Variants in DNAJB6 observed in about 807,000 individuals in gnomAD.
DNAJB6 encodes the protein DnaJ heat shock protein family (Hsp40) member B6.
DNAJB6 carries 16 observed loss-of-function variants against 42.7 expected under a neutral mutation model. The ratio of observed to expected loss-of-function variants is 0.37; its 90% confidence interval spans 0.25 to 0.57. The LOEUF (loss-of-function observed/expected upper bound fraction) is 0.57. Among genes scored for constraint, DNAJB6 ranks in the 20% least tolerant of loss-of-function variants. DNAJB6 has a pLI of 0.74. For missense variants in DNAJB6, 347 were observed against 416.8 expected (o/e 0.83, Z 1.46); for synonymous variants, 170 against 163.5 (o/e 1.04, Z -0.30).
chr7:157,360,209 C>T (rs538896899), intron 2 of DNAJB6, among the ~76,000 whole-genome samples: 7 of 152,152 alleles, frequency 4.6e-5, no homozygotes, highest in South Asian at 4.2e-4. Context: ...TGGAGGAGGG[C>T]GAAAGACACT....
chr7:157,410,126 G>A (rs1795922648), intron 9 of DNAJB6, 125 bp downstream of exon 9: 3 of 1,415,284 alleles, frequency 2.1e-6, no homozygotes, highest in South Asian at 1.5e-5. Context: ...TGGGCGGTCG[G>A]GCGGGGCGGG....
intron 8 of DNAJB6, among the ~76,000 whole-genome samples, chr7:157,389,667 G>A (rs371524828): frequency 1.6e-4 from 24 of 152,184 alleles, no homozygotes; most frequent in East Asian, 1.2e-3. Flanking sequence ...GGGGTAGACC[G>A]AAGTCTGTCA....
At chr7:157,402,653 C>T (rs1054484952) in intron 8 of DNAJB6, among the ~76,000 whole-genome samples, 21 of 152,184 alleles carry the variant, frequency 1.4e-4, no homozygotes, top group African/African-American at 4.1e-4. Context: ...GGAGAAGTAG[C>T]GATGTGTCTT....
At chr7:157,394,915 C>T (rs1801510775) in intron 8 of DNAJB6, among the ~76,000 whole-genome samples, 1 of 152,290 alleles carries the variant, frequency 6.6e-6, no homozygotes, top group Non-Finnish European at 1.5e-5. Flanking sequence ...CGTGGTGAGA[C>T]TCTGTCTCCA....
intron 3 of DNAJB6, among the ~76,000 whole-genome samples, chr7:157,365,540 T>G (rs551829228): frequency 2.0e-5 from 3 of 152,306 alleles, no homozygotes; most frequent in African/African-American, 7.2e-5. Flanking sequence ...TCTAATTGGG[T>G]TTTTGTAGTA....
At chr7:157,375,954 C>T (rs1373312126) in intron 5 of DNAJB6, among the ~76,000 whole-genome samples, 3 of 152,116 alleles carry the variant, frequency 2.0e-5, no homozygotes, top group African/African-American at 2.4e-5. Flanking sequence ...TTTGTTCCAG[C>T]TTTTCTGTGC....
chr7:157,353,839 T>G (rs1234351776), intron 1 of DNAJB6, among the ~76,000 whole-genome samples: 1 of 151,920 alleles, frequency 6.6e-6, no homozygotes, highest in Non-Finnish European at 1.5e-5. Flanking sequence ...CTTAAATTTT[T>G]TTTTTGTTGC....
At chr7:157,372,581 C>T (rs1320662082) in intron 5 of DNAJB6, among the ~76,000 whole-genome samples, 6 of 152,188 alleles carry the variant, frequency 3.9e-5, no homozygotes, top group South Asian at 2.1e-4. Context: ...CTTGGTCAGA[C>T]GACCTCAGCT....
Position 157,358,593 on chromosome 7 carries a change from T to A in DNAJB6, c.21T>A (p.Val7=). 1 of 1,613,970 alleles carries A rather than the reference T, an allele frequency of 6.2e-7. No homozygotes were observed. Among genetic ancestry groups the A allele is most frequent in the Non-Finnish European group, 8.5e-7 (1 of 1,179,854 alleles). ...AAAACATGGTGGATTACTATGAAGT[T>A]CTAGGCGTGCAGAGACATGCCTCAC... MVDYYE[V]LGVQRHASPE... is the part of the protein sequence containing the mutation. Residue 7 remains valine (V), a synonymous_variant, in exon 2 of 10, where the codon GTT becomes GTA. Transcript: ENST00000262177.
At chr7:157,386,344 T>C in intron 8 of DNAJB6, 1 of 984,102 alleles carries the variant, frequency 1.0e-6, no homozygotes, top group South Asian at 4.7e-5. Context: ...TGTCTGTGTA[T>C]GATTTGTGCC....
At chr7:157,405,940 C>T (rs1311344826) in intron 8 of DNAJB6, among the ~76,000 whole-genome samples, 1 of 152,226 alleles carries the variant, frequency 6.6e-6, no homozygotes, top group African/African-American at 2.4e-5. Flanking sequence ...ATCCACAGTG[C>T]AGGTTAGAAC....
chr7:157,388,472 C>T (rs940638277), intron 8 of DNAJB6, among the ~76,000 whole-genome samples: 1 of 152,184 alleles, frequency 6.6e-6, no homozygotes, highest in Non-Finnish European at 1.5e-5. Context: ...GGAAGCTGAA[C>T]GCTCCTTAAC....
chr7:157,387,664 C>T (rs1801137999), intron 8 of DNAJB6, among the ~76,000 whole-genome samples: 1 of 152,106 alleles, frequency 6.6e-6, no homozygotes, highest in South Asian at 2.1e-4. Flanking sequence ...TTTTAGAACA[C>T]ATTTGGTTGT....
At chr7:157,358,363 G>A (rs1001553055) in intron 1 of DNAJB6, among the ~76,000 whole-genome samples, 184 bp from the exon 2 acceptor site, 1 of 152,076 alleles carries the variant, frequency 6.6e-6, no homozygotes, top group Non-Finnish European at 1.5e-5. Flanking sequence ...CATGAATCTG[G>A]GAACCAGTTC....
At chr7:157,353,347 A>G (rs1296268362) in intron 1 of DNAJB6, among the ~76,000 whole-genome samples, 1 of 152,186 alleles carries the variant, frequency 6.6e-6, no homozygotes, top group African/African-American at 2.4e-5. Context: ...ATTTTCCTGT[A>G]TACCATTCAC....
At chr7:157,395,947 A>AT (rs60935303) in intron 8 of DNAJB6, among the ~76,000 whole-genome samples, 1,655 of 62,868 alleles carry the variant, frequency 0.026, 11 homozygotes, top group Admixed American at 0.074. Flanking sequence ...TGAGCCTGTA[A>AT]TTTTTTTTTT....
rs112834824 is a variant in DNAJB6, at chr7:157,357,212, G to GTCCTTCCTTCCT, written c.-26-1295_-26-1284dup. Among the ~76,000 whole-genome samples, 14 of 61,848 alleles carry GTCCTTCCTTCCT rather than the reference G, an allele frequency of 2.3e-4. 1 individual carries two copies. Among genetic ancestry groups the GTCCTTCCTTCCT allele is most frequent in the East Asian group, 7.2e-4 (1 of 1,398 alleles). The allele number at this position is 61,848 out of a possible 152,430, so 40.6% of individuals were successfully genotyped here. On this transcript the variant is annotated intron_variant, in intron 1 of 9. Transcript: ENST00000262177. ...GTCTTTGTGGCTTTGTGATACTGTT[G>GTCCTTCCTTCCT]TCCTTCCTTCCTTCCTTCCTTCCTT...
intron 1 of DNAJB6, among the ~76,000 whole-genome samples, 180 bp downstream of exon 1, chr7:157,337,324 T>C (rs1328960216): frequency 8.8e-5 from 13 of 148,414 alleles, no homozygotes; most frequent in South Asian, 4.3e-4. Context: ...GTGGGCGGGG[T>C]CCTCTGGGTC....
intron 1 of DNAJB6, among the ~76,000 whole-genome samples, chr7:157,342,504 A>T (rs1798453184): frequency 6.6e-6 from 1 of 151,824 alleles, no homozygotes; most frequent in Non-Finnish European, 1.5e-5. Context: ...CACCCAGCTA[A>T]TTTTGTATTT....
Sources: allele counts gnomAD v4.1 joint callset (sites outside exome capture counted in the v4.1 genomes callset), GRCh38; gene constraint gnomAD v4.1.1; transcripts MANE v1.5; gene names NCBI Gene and HGNC (gene_info 2026-07-23, HGNC 2026-07-21).